The following ZNF407 variants were observed in gnomAD, a reference collection of about 807,000 sequenced individuals.
ZNF407 encodes the protein zinc finger protein 407.
Under a neutral mutation model 131.2 loss-of-function variants are expected in ZNF407, and 17 were observed. The observed-to-expected ratio is 0.13, with a 90% confidence interval of 0.09 to 0.19. The LOEUF is 0.19. Ranked by LOEUF, ZNF407 falls within the 10% of genes least tolerant of loss-of-function variation. The pLI, the probability that ZNF407 is intolerant of heterozygous loss-of-function variation, is 1.00. For synonymous variants in ZNF407, 1,156 were observed against 1,062.0 expected, an observed-to-expected ratio of 1.09 and a Z score of -1.72; for missense variants, 2,681 against 2,830.6, an observed-to-expected ratio of 0.95 and a Z score of 1.20.
rs1167969854 is a variant in ZNF407 at position 75,015,513 on chromosome 18, A to T, written c.5429-47637A>T. Among the ~76,000 whole-genome samples the T allele has an allele frequency of 2.7e-5, 4 of 148,008 alleles. No individual in the cohort carries two copies. The East Asian group carries it at 7.8e-4, about 29-fold the overall frequency. ...ATGAGAATGGAGAATATATATATAT[A>T]ATATATATGTTTATATATAAATGAT... On this transcript the variant is annotated intron_variant, in intron 8 of 8. Transcript: ENST00000299687.
At chr18:74,650,309 T>G (rs1568146407) in intron 3 of ZNF407, among the ~76,000 whole-genome samples, 1 of 152,202 alleles carries the variant, frequency 6.6e-6, no homozygotes, top group Non-Finnish European at 1.5e-5. Flanking sequence ...ATGGTATCGT[T>G]TACAATTGTT....
At chr18:74,866,606 G>A (rs993363195) in intron 4 of ZNF407, among the ~76,000 whole-genome samples, 3 of 151,780 alleles carry the variant, frequency 2.0e-5, no homozygotes, top group African/African-American at 7.3e-5. Context: ...CAAACATAGC[G>A]TATTTGATTG....
chr18:75,007,063 T>C (rs1047317872), intron 8 of ZNF407, among the ~76,000 whole-genome samples: 9 of 152,190 alleles, frequency 5.9e-5, no homozygotes, highest in South Asian at 2.1e-4. Flanking sequence ...TTTCTGGAGG[T>C]TAAAGTGGAT....
chr18:74,661,837 C>A lies in ZNF407; in HGVS notation c.4802+20715C>A, dbSNP rs1985728193. ...TCTTTACTCCTCATGCTAAATTTGG[C>A]TGAGAGTGCTGCGGCCATTTTGATA... On this transcript the variant is annotated intron_variant, in intron 3 of 8. Coordinates refer to ENST00000299687, the MANE Select transcript of ZNF407 (RefSeq NM_017757.3). Among the ~76,000 whole-genome samples, 9 of 152,190 alleles carry A rather than the reference C, an allele frequency of 5.9e-5. No homozygotes were observed. The South Asian group carries it at 1.7e-3, about 28-fold the overall frequency.
chr18:74,967,341 AT>A (rs1333939107), intron 8 of ZNF407, among the ~76,000 whole-genome samples: 1 of 152,244 alleles, frequency 6.6e-6, no homozygotes, highest in African/African-American at 2.4e-5. Context: ...AGTAAATGAC[AT>A]TAAAAATTCT....
chr18:74,608,528 G>A (rs971090315), intron 1 of ZNF407, among the ~76,000 whole-genome samples: 20 of 152,048 alleles, frequency 1.3e-4, no homozygotes, highest in African/African-American at 4.3e-4. Context: ...TGTGTTTTTG[G>A]TAGATACGTG....
At chr18:74,938,175 T>C (rs918809178) in intron 8 of ZNF407, among the ~76,000 whole-genome samples, 8 of 152,208 alleles carry the variant, frequency 5.3e-5, no homozygotes, top group Non-Finnish European at 1.2e-4. Flanking sequence ...ATTTATGACC[T>C]TCTTTTGTCC....
At chr18:74,902,943 A>T (rs1971548905) in intron 7 of ZNF407, among the ~76,000 whole-genome samples, 1 of 152,146 alleles carries the variant, frequency 6.6e-6, no homozygotes, top group South Asian at 2.1e-4. Context: ...TGGATCACCC[A>T]CCAGTGCCTG....
At chr18:74,786,355 T>A (rs896933731) in intron 4 of ZNF407, among the ~76,000 whole-genome samples, 4 of 152,236 alleles carry the variant, frequency 2.6e-5, no homozygotes, top group Non-Finnish European at 5.9e-5. Context: ...GAATATTTTT[T>A]ATGAAACTTT....
At chr18:74,737,318 A>G (rs949536537) in intron 3 of ZNF407, among the ~76,000 whole-genome samples, 1 of 152,246 alleles carries the variant, frequency 6.6e-6, no homozygotes, top group Non-Finnish European at 1.5e-5. Flanking sequence ...GTTGGGGAAA[A>G]TAAATTCACT....
chr18:75,052,306 G>A (rs935611252), intron 8 of ZNF407, among the ~76,000 whole-genome samples: 4 of 152,086 alleles, frequency 2.6e-5, no homozygotes, highest in Non-Finnish European at 1.5e-5. Context: ...GCTGTTATCT[G>A]CCACAGGAGT....
chr18:75,040,708 A>G (rs1411073377), intron 8 of ZNF407, among the ~76,000 whole-genome samples: 1 of 152,202 alleles, frequency 6.6e-6, no homozygotes, highest in East Asian at 1.9e-4. Context: ...CTCTTTTCCT[A>G]AAAGATAAAC....
chr18:74,645,225 G>C (rs1984915933), intron 3 of ZNF407, among the ~76,000 whole-genome samples: 1 of 151,992 alleles, frequency 6.6e-6, no homozygotes, highest in South Asian at 2.1e-4. Flanking sequence ...AAGGTGAGAG[G>C]GATATAATTG....
At chr18:74,894,270 G>A (rs1027668888) in intron 7 of ZNF407, among the ~76,000 whole-genome samples, 4 of 151,704 alleles carry the variant, frequency 2.6e-5, no homozygotes, top group South Asian at 2.1e-4. Flanking sequence ...GTTACTATTC[G>A]TTATAAATTC....
intron 8 of ZNF407, among the ~76,000 whole-genome samples, chr18:74,921,378 G>GT (rs1409618880): frequency 6.6e-6 from 1 of 152,220 alleles, no homozygotes; most frequent in African/African-American, 2.4e-5. Context: ...GCCAAATTCT[G>GT]TGCAGAGCAG....
chr18:74,974,460 A>G (rs1017586086), intron 8 of ZNF407, among the ~76,000 whole-genome samples: 1 of 152,178 alleles, frequency 6.6e-6, no homozygotes, highest in Non-Finnish European at 1.5e-5. Flanking sequence ...CTGTAATGAC[A>G]TCTCACTTTT....
intron 4 of ZNF407, among the ~76,000 whole-genome samples, chr18:74,790,992 T>G (rs1451712814): frequency 6.6e-6 from 1 of 152,210 alleles, no homozygotes; most frequent in East Asian, 1.9e-4. Flanking sequence ...TTCTTGGTCT[T>G]AGGGCCACTT....
intron 4 of ZNF407, among the ~76,000 whole-genome samples, chr18:74,835,627 GGGGTGTGTGTGTGT>G (rs1445165990): frequency 6.0e-5 from 7 of 117,436 alleles, no homozygotes; most frequent in African/African-American, 2.2e-4. Flanking sequence ...TGGACAGAGG[GGGGTGTGTGTGTGT>G]GTGTGTGTGT....
intron 3 of ZNF407, among the ~76,000 whole-genome samples, chr18:74,712,349 C>T (rs903684709): frequency 2.0e-4 from 31 of 152,310 alleles, no homozygotes; most frequent in African/African-American, 7.5e-4. Context: ...TGTATATGTG[C>T]TTAGAAAATA....
Sources: gnomAD v4.1 joint callset for allele counts (sites outside exome capture counted in the v4.1 genomes callset) on GRCh38, gnomAD v4.1.1 for gene constraint, MANE v1.5 for transcripts, NCBI Gene and HGNC (gene_info 2026-07-23, HGNC 2026-07-21) for gene names.